Variants in ACLY observed in about 807,000 individuals in gnomAD.
ACLY encodes the protein ATP-citrate synthase.
In ACLY, 41 loss-of-function variants were observed where a neutral mutation model predicts 133.0. The observed-to-expected ratio is 0.31, with a 90% CI of 0.24 to 0.40. The LOEUF (loss-of-function observed/expected upper bound fraction) is 0.40. ACLY is among the 10% of genes least tolerant of loss of function. The pLI is 1.00. For synonymous variants in ACLY, 495 were observed against 549.3 expected, an observed-to-expected ratio of 0.90 and a Z score of 1.38; for missense variants, 1,046 against 1,453.8, an observed-to-expected ratio of 0.72 and a Z score of 4.56.
At chr17:41,906,782 G>T in intron 7 of ACLY, 136 bp from the exon 8 acceptor site, 8 of 746,270 alleles carry the variant, frequency 1.1e-5, no homozygotes, top group Non-Finnish European at 1.8e-5. Flanking sequence ...GGCTACGCAG[G>T]GCCCCACATG....
In ACLY at chr17:41,886,190, C is replaced by G; in HGVS notation, c.1994G>C (p.Gly665Ala). The G allele has an allele frequency of 1.2e-6, 2 of 1,614,200 alleles. No individual in the cohort carries two copies. The highest frequency in any genetic ancestry group is 2.2e-5 in the East Asian group (1 of 44,884). The stretch of plus-strand genomic sequence containing the variant: ...GATATTGTTGAGCTCGTTGGACATG[C>G]CTCCGGAACGTGAGACATAGGCCAC... ...GSVAYVSRSG[G>A]MSNELNNIIS... Residue 665 changes from glycine (G) to alanine (A), a missense_variant, in exon 18 of 29, where the codon GGC becomes GCC. By Grantham distance (60) the Gly-to-Ala change is moderately conservative (BLOSUM62 0). Coordinates refer to ENST00000352035, the MANE Select transcript of ACLY (RefSeq NM_001096.3).
At chr17:41,869,855 A>G (rs147015175) in intron 25 of ACLY, among the ~76,000 whole-genome samples, 1 of 152,296 alleles carries the variant, frequency 6.6e-6, no homozygotes, top group East Asian at 1.9e-4. Flanking sequence ...TGAGATGTTC[A>G]GGGAACTGGC....
intron 16 of ACLY, among the ~76,000 whole-genome samples, chr17:41,889,524 CAAAAAA>C (rs533387140): frequency 3.5e-3 from 109 of 31,594 alleles, no homozygotes; most frequent in African/African-American, 0.015. Flanking sequence ...CTCCATTTCA[CAAAAAA>C]AAAAAAAAAA....
In ACLY at chr17:41,912,537, C is replaced by T. The variant is rs1256649546; in HGVS notation, c.165G>A (p.Leu55=). The change falls in exon 3 of 29, where the codon TTG becomes TTA. Residue 55 remains leucine, a synonymous_variant. Coordinates refer to ENST00000352035, the MANE Select transcript of ACLY (RefSeq NM_001096.3). The part of the protein sequence containing the change: ...QDHPWLLSQN[L]VVKPDQLIKR... ...TGATCAGCTGGTCTGGCTTGACTAC[C>T]AAGTTCTGGAACAAAAGCGGTTTGT... The T allele has an allele frequency of 6.8e-6, 11 of 1,614,068 alleles. No individual in the cohort carries two copies. Among genetic ancestry groups the T allele is most frequent in the Non-Finnish European group, 9.3e-6 (11 of 1,179,962 alleles).
rs1234180348 is a variant in ACLY, at chr17:41,867,779, TC to T, written c.*30del. 1 of 1,549,870 alleles carries T rather than the reference TC, an allele frequency of 6.5e-7. No individual in the cohort carries two copies. Among genetic ancestry groups the T allele is most frequent in the Non-Finnish European group, 8.8e-7 (1 of 1,132,442 alleles). ...TTTCTTGGGGGAAGAGATCTTGTCT[TC>T]AGTTTACTGCAGTAGGGTTCCTGGC... On this transcript the variant is annotated 3_prime_UTR_variant, in exon 29 of 29. Transcript: ENST00000352035.
intron 22 of ACLY, among the ~76,000 whole-genome samples, chr17:41,874,637 G>A (rs2048685950): frequency 6.8e-6 from 1 of 147,188 alleles, no homozygotes; most frequent in African/African-American, 2.5e-5. Flanking sequence ...GCAGTGGTAC[G>A]ATCTCAGCTC....
intron 1 of ACLY, among the ~76,000 whole-genome samples, chr17:41,929,959 A>G (rs1425128515): frequency 6.6e-6 from 1 of 152,202 alleles, no homozygotes; most frequent in Admixed American, 6.6e-5. Context: ...GAAGTAACGT[A>G]GTAAAGGCAG....
chr17:41,928,920 T>C (rs920156422), intron 1 of ACLY, among the ~76,000 whole-genome samples: 29 of 151,580 alleles, frequency 1.9e-4, no homozygotes, highest in Middle Eastern at 3.2e-3. Context: ...ATCTCTTCCT[T>C]GCAGGAGGTT....
rs114672557 is a variant in ACLY, at chr17:41,888,430, G to A, written c.1771-727C>T. Among the ~76,000 whole-genome samples the A allele has an allele frequency of 2.6e-3, 397 of 152,274 alleles. 3 individuals carry two copies. The highest frequency in any genetic ancestry group is 9.1e-3 in the African/African-American group (380 of 41,552). ...AAGGCTTTTCTTCATGGGACCCTCC[G>A]AGTCTTGTCACCATCCCCACAGGAC... On this transcript the variant is annotated intron_variant, in intron 16 of 28. Transcript: ENST00000352035.
intron 9 of ACLY, among the ~76,000 whole-genome samples, 153 bp from the exon 10 acceptor site, chr17:41,904,943 C>T (rs368810140): frequency 6.6e-6 from 1 of 152,212 alleles, no homozygotes; most frequent in Non-Finnish European, 1.5e-5. Context: ...TCTCTCCAGA[C>T]ATTCCACTTT....
chr17:41,902,709 T>G (rs988271392), intron 10 of ACLY, among the ~76,000 whole-genome samples: 1 of 152,228 alleles, frequency 6.6e-6, no homozygotes, highest in African/African-American at 2.4e-5. Flanking sequence ...CAAGGGTCAG[T>G]ACAGGGCAGC....
chr17:41,870,209 ATGAG>A (rs1555624806), intron 25 of ACLY: 1 of 152,622 alleles, frequency 6.6e-6, no homozygotes, highest in African/African-American at 2.4e-5. Flanking sequence ...CAAAGAGTGA[ATGAG>A]TGAGTGTGGA....
chr17:41,893,438 G>A (rs2049272842), intron 14 of ACLY, among the ~76,000 whole-genome samples: 1 of 152,202 alleles, frequency 6.6e-6, no homozygotes, highest in Non-Finnish European at 1.5e-5. Flanking sequence ...AATGGAGAAA[G>A]AAGGGCCCCA....
intron 17 of ACLY, 25 bp downstream of exon 17, chr17:41,887,574 A>T: frequency 6.2e-7 from 1 of 1,604,542 alleles, no homozygotes; most frequent in Non-Finnish European, 8.5e-7. Context: ...TCGAACGTAA[A>T]AGGCTTTCCG....
chr17:41,869,304 C>T (rs2048540188), intron 26 of ACLY, among the ~76,000 whole-genome samples, 170 bp downstream of exon 26: 1 of 152,218 alleles, frequency 6.6e-6, no homozygotes. Context: ...AAGTACCCAA[C>T]ACCTAGTTGA....
intron 20 of ACLY, among the ~76,000 whole-genome samples, chr17:41,882,398 G>A (rs1393167957): frequency 0.024 from 789 of 32,616 alleles, no homozygotes; most frequent in South Asian, 0.045. Flanking sequence ...AAAAAAAAAA[G>A]TTGTTTCCAG....
At chr17:41,920,588 CT>C (rs1305649832), upstream of ACLY, among the ~76,000 whole-genome samples, 2 of 71,582 alleles carry the variant, frequency 2.8e-5, no homozygotes, top group Admixed American at 2.0e-4. Context: ...AGGATTCTAT[CT>C]CAAAAAAAAA....
intron 14 of ACLY, among the ~76,000 whole-genome samples, chr17:41,895,521 C>G (rs1272698328): frequency 3.3e-5 from 5 of 152,220 alleles, no homozygotes; most frequent in African/African-American, 1.2e-4. Flanking sequence ...CTCCTCTGGC[C>G]TCGCTGAGGG....
At chr17:41,880,320 T>C (rs1037530886) in intron 20 of ACLY, among the ~76,000 whole-genome samples, 1 of 152,218 alleles carries the variant, frequency 6.6e-6, no homozygotes, top group Admixed American at 6.5e-5. Context: ...GCCTGTGCTC[T>C]TCACCATGCA....
Sources: allele counts gnomAD v4.1 joint callset (sites outside exome capture counted in the v4.1 genomes callset), GRCh38; gene constraint gnomAD v4.1.1; transcripts MANE v1.5; gene names NCBI Gene and HGNC (gene_info 2026-07-23, HGNC 2026-07-21).